RIMS2: variants seen among roughly 807,000 people sequenced by gnomAD.
RIMS2 encodes the protein regulating synaptic membrane exocytosis protein 2.
In RIMS2, 59 loss-of-function variants were observed where a neutral mutation model predicts 174.4. That is an observed-to-expected ratio of 0.34 (90% confidence interval 0.27 to 0.42). The LOEUF (loss-of-function observed/expected upper bound fraction) is 0.42. Ranked by LOEUF, RIMS2 falls within the 10% of genes least tolerant of loss-of-function variation. The probability of loss-of-function intolerance (pLI) is 1.00; values close to 1 mark genes in which losing one functional copy is unlikely to be tolerated. For synonymous variants in RIMS2, 606 were observed against 572.5 expected, an observed-to-expected ratio of 1.06 and a Z score of -0.84; for missense variants, 1,620 against 1,666.3, an observed-to-expected ratio of 0.97 and a Z score of 0.48.
rs147671104 is a variant in RIMS2, at chr8:103,525,922, C to T, written c.176+24860C>T. Among the ~76,000 whole-genome samples, 591 of 152,234 alleles carry T rather than the reference C, an allele frequency of 3.9e-3. 5 individuals carry two copies. The highest frequency in any genetic ancestry group is 3.1e-3 in the Non-Finnish European group (214 of 68,014). On this transcript the variant is annotated intron_variant, in intron 1 of 23. Transcript: ENST00000504942. ...GGATCAAATATAAAAATCATCTGTT[C>T]GTATCAGAGAGCTAACACATCAATG...
chr8:104,021,884 G>A (rs1398380066), intron 19 of RIMS2, among the ~76,000 whole-genome samples: 1 of 152,156 alleles, frequency 6.6e-6, no homozygotes, highest in East Asian at 1.9e-4. Context: ...AGATAGTTTG[G>A]TGGGCATGGA....
At chr8:103,572,253 A>G (rs953793382) in intron 1 of RIMS2, among the ~76,000 whole-genome samples, 20 of 152,314 alleles carry the variant, frequency 1.3e-4, no homozygotes, top group Admixed American at 1.3e-3. Context: ...GAAGAGCGAA[A>G]GAACAAAGCT....
intron 19 of RIMS2, among the ~76,000 whole-genome samples, chr8:104,025,913 G>T (rs978446760): frequency 5.3e-5 from 8 of 152,074 alleles, no homozygotes; most frequent in African/African-American, 1.9e-4. Flanking sequence ...AGCTGTACAG[G>T]TTTGTAGTCT....
intron 3 of RIMS2, among the ~76,000 whole-genome samples, chr8:103,874,612 A>G (rs2099126897): frequency 6.6e-6 from 1 of 152,032 alleles, no homozygotes; most frequent in Non-Finnish European, 1.5e-5. Context: ...ATTTTCTATC[A>G]GTTACTTTTA....
chr8:103,509,928 A>G (rs796343410), intron 1 of RIMS2, among the ~76,000 whole-genome samples: 1 of 152,260 alleles, frequency 6.6e-6, no homozygotes, highest in African/African-American at 2.4e-5. Context: ...ATGCTTTTTA[A>G]GGCATTTGGA....
chr8:103,685,682 T>C (rs1290171709), intron 1 of RIMS2, among the ~76,000 whole-genome samples: 1 of 152,216 alleles, frequency 6.6e-6, no homozygotes, highest in Non-Finnish European at 1.5e-5. Flanking sequence ...CATCCATTGA[T>C]ATGTATCTTT....
intron 19 of RIMS2, among the ~76,000 whole-genome samples, chr8:104,241,355 A>C (rs1212524422): frequency 1.3e-5 from 2 of 152,192 alleles, no homozygotes; most frequent in Non-Finnish European, 2.9e-5. Context: ...GATTTTTAGC[A>C]TTGTTATGAA....
chr8:103,981,590 T>G (rs1422439110), intron 16 of RIMS2, among the ~76,000 whole-genome samples: 2 of 152,128 alleles, frequency 1.3e-5, no homozygotes, highest in Admixed American at 1.3e-4. Flanking sequence ...ACCTTTCAGA[T>G]AGAAAATTCA....
chr8:103,559,871 G>A (rs2091299836), intron 1 of RIMS2, among the ~76,000 whole-genome samples: 1 of 152,194 alleles, frequency 6.6e-6, no homozygotes, highest in South Asian at 2.1e-4. Flanking sequence ...TGTATTATTT[G>A]TTTCAATTCT....
rs1475166834 is a variant in RIMS2 at position 103,899,818 on chromosome 8, A to G, written c.1625-10316A>G. 7.9e-5 allele frequency among the ~76,000 whole-genome samples: 12 copies of G among 151,594 alleles called. No individual in the cohort carries two copies. The South Asian group carries it at 8.3e-4, about 10-fold the overall frequency. ...CCATGCCTATGTCCTGAATGGTATT[A>G]CCTAGGTTTTCTTCTAGGGTTTTTA... is the stretch of plus-strand genomic sequence containing the variant. On this transcript the variant is annotated intron_variant, in intron 4 of 23. Coordinates refer to ENST00000504942, the Ensembl canonical transcript of RIMS2.
chr8:103,590,045 A>C (rs996975117), intron 1 of RIMS2, among the ~76,000 whole-genome samples: 11 of 151,408 alleles, frequency 7.3e-5, no homozygotes, highest in Non-Finnish European at 1.6e-4. Flanking sequence ...ATAGTTAATA[A>C]TTACTTAATT....
At chr8:104,158,270 G>A (rs1200306870) in intron 19 of RIMS2, among the ~76,000 whole-genome samples, 3 of 152,100 alleles carry the variant, frequency 2.0e-5, no homozygotes, top group African/African-American at 7.2e-5. Context: ...GTGTATATGT[G>A]CCACATTTTC....
intron 1 of RIMS2, among the ~76,000 whole-genome samples, chr8:103,686,430 A>C (rs1327718563): frequency 6.6e-6 from 1 of 152,148 alleles, no homozygotes; most frequent in Non-Finnish European, 1.5e-5. Context: ...GGAAGCATTC[A>C]GTTTTTTACC....
intron 1 of RIMS2, among the ~76,000 whole-genome samples, chr8:103,518,143 G>A (rs1829921465): frequency 6.6e-6 from 1 of 152,116 alleles, no homozygotes; most frequent in African/African-American, 2.4e-5. Context: ...AATGTGTCAG[G>A]AGAAGTCTAA....
intron 1 of RIMS2, among the ~76,000 whole-genome samples, chr8:103,502,451 A>G (rs1251378362): frequency 6.6e-6 from 1 of 152,198 alleles, no homozygotes; most frequent in African/African-American, 2.4e-5. Flanking sequence ...TGTTCCTGAA[A>G]TAACTGAAAT....
At chr8:104,066,394 A>G (rs1566140058) in intron 19 of RIMS2, among the ~76,000 whole-genome samples, 2 of 151,598 alleles carry the variant, frequency 1.3e-5, no homozygotes, top group Non-Finnish European at 2.9e-5. Context: ...ATATCTATAT[A>G]TGTGTGTGTG....
At chr8:104,056,055 A>T (rs564218118) in intron 19 of RIMS2, among the ~76,000 whole-genome samples, 1 of 152,172 alleles carries the variant, frequency 6.6e-6, no homozygotes, top group Non-Finnish European at 1.5e-5. Context: ...CATTATATTA[A>T]TGAAATAAAT....
rs180944901 is a variant in RIMS2 at position 103,846,036 on chromosome 8, T to G, written c.699-39262T>G. 3.1e-3 allele frequency among the ~76,000 whole-genome samples: 473 copies of G among 152,008 alleles called. 3 individuals carry two copies. The highest frequency in any genetic ancestry group is 4.9e-3 in the Non-Finnish European group (332 of 67,940). On this transcript the variant is annotated intron_variant, in intron 3 of 23. Transcript: ENST00000504942. ...TAGGCCTTTTGTCTCACCTTGATTC[T>G]GCCCAATTGACTGCCCAATTGACTG...
At chr8:103,912,169 G>T (rs2075793842) in exon 6 of RIMS2, 1 of 1,605,688 alleles carries the variant, frequency 6.2e-7, no homozygotes, top group East Asian at 2.2e-5. Context: ...TGCTTGGCTT[G>T]AAGGTATGTA....
Sources: gnomAD v4.1 joint callset for allele counts (sites outside exome capture counted in the v4.1 genomes callset) on GRCh38, gnomAD v4.1.1 for gene constraint, MANE v1.5 for transcripts, NCBI Gene and HGNC (gene_info 2026-07-23, HGNC 2026-07-21) for gene names.